GRM5: variants seen among roughly 807,000 people sequenced by gnomAD.
GRM5 encodes the protein glutamate metabotropic receptor 5.
In GRM5, 19 loss-of-function variants were observed where a neutral mutation model predicts 83.1. That is an observed-to-expected ratio of 0.23 (90% CI 0.16 to 0.34). The LOEUF is 0.34. GRM5 is among the 10% of genes least tolerant of loss of function. The pLI, the probability that GRM5 is intolerant of heterozygous loss-of-function variation, is 1.00. For synonymous variants in GRM5, 675 were observed against 633.6 expected, an observed-to-expected ratio of 1.07 and a Z score of -0.98; for missense variants, 1,160 against 1,588.3, an observed-to-expected ratio of 0.73 and a Z score of 4.58.
At chr11:88,908,743 C>T (rs778795773) in intron 2 of GRM5, among the ~76,000 whole-genome samples, 1 of 152,038 alleles carries the variant, frequency 6.6e-6, no homozygotes, top group African/African-American at 2.4e-5. Context: ...CCTCATTATT[C>T]GACTGTGAAA....
At chr11:88,845,427 T>TTTTTTTG (rs1944284406) in intron 3 of GRM5, among the ~76,000 whole-genome samples, 1 of 37,272 alleles carries the variant, frequency 2.7e-5, no homozygotes, top group Non-Finnish European at 5.3e-5. Context: ...ACATAACTTT[T>TTTTTTTG]TTTTTTTTTT....
chr11:88,634,165 A>T (rs1939055791), intron 4 of GRM5, among the ~76,000 whole-genome samples: 1 of 152,190 alleles, frequency 6.6e-6, no homozygotes, highest in Admixed American at 6.6e-5. Flanking sequence ...CAGGACTGGA[A>T]GTTGTTCTGG....
chr11:88,705,625 C>T (rs1297161596), intron 3 of GRM5, among the ~76,000 whole-genome samples: 1 of 150,984 alleles, frequency 6.6e-6, no homozygotes, highest in Non-Finnish European at 1.5e-5. Flanking sequence ...TTTTTTTCTC[C>T]TACCTTGCTG....
At chr11:88,530,682 A>G (rs899892199) in intron 8 of GRM5, among the ~76,000 whole-genome samples, 1 of 152,104 alleles carries the variant, frequency 6.6e-6, no homozygotes, top group Admixed American at 6.6e-5. Flanking sequence ...TGAAATTTCT[A>G]TATTGGCTAT....
chr11:88,604,961 G>A lies in GRM5; in HGVS notation c.1151C>T (p.Ser384Phe). 6.2e-7 allele frequency: 1 copy of A among 1,611,472 alleles called. No individual in the cohort carries two copies. The highest frequency in any genetic ancestry group is 8.5e-7 in the Non-Finnish European group (1 of 1,177,936). The stretch of plus-strand genomic sequence containing the variant: ...AACATGATGTGTTTTCAGAGTCAGA[G>A]AACCTGTTGGGAAACAAATTAAGCA... Reference protein sequence around the residue: ...NSKYNKTCNSSLTLKTHHVQD... With the variant: ...NSKYNKTCNSFLTLKTHHVQD... The change falls in exon 5 of 10, where the codon TCT (serine) becomes TTT (phenylalanine). Residue 384 changes from serine to phenylalanine, a missense_variant. This residue lies in a region of GRM5 where 132 missense variants were observed against 197.6 expected (regional missense o/e 0.67). Coordinates refer to ENST00000305447, the MANE Select transcript of GRM5 (RefSeq NM_001143831.3).
At chr11:88,698,009 A>T (rs1309748583) in intron 3 of GRM5, among the ~76,000 whole-genome samples, 6 of 152,210 alleles carry the variant, frequency 3.9e-5, no homozygotes, top group African/African-American at 1.4e-4. Flanking sequence ...CTCTGCTAGC[A>T]CAGTTAATCC....
intron 3 of GRM5, among the ~76,000 whole-genome samples, chr11:88,750,155 G>T (rs1049446929): frequency 6.6e-6 from 1 of 152,076 alleles, no homozygotes; most frequent in Admixed American, 6.6e-5. Context: ...GCTGGACGAA[G>T]AGCCAAGACC....
At chr11:88,787,432 G>A (rs1334434715) in intron 3 of GRM5, among the ~76,000 whole-genome samples, 1 of 152,130 alleles carries the variant, frequency 6.6e-6, no homozygotes, top group Non-Finnish European at 1.5e-5. Context: ...CAAGGTTGTA[G>A]GAGACATGAT....
intron 7 of GRM5, among the ~76,000 whole-genome samples, chr11:88,583,540 C>G (rs950101249): frequency 6.6e-6 from 1 of 152,200 alleles, no homozygotes; most frequent in Admixed American, 6.5e-5. Flanking sequence ...CACCTGGTTA[C>G]TTCTTGAAAG....
intron 2 of GRM5, among the ~76,000 whole-genome samples, chr11:89,015,985 G>C (rs927779231): frequency 1.2e-4 from 19 of 152,010 alleles, no homozygotes; most frequent in Admixed American, 1.1e-3. Flanking sequence ...GTGATCAAAT[G>C]TGGTTTTTAG....
chr11:88,673,179 A>C (rs113271397), intron 3 of GRM5, among the ~76,000 whole-genome samples: 5 of 152,068 alleles, frequency 3.3e-5, no homozygotes, highest in African/African-American at 1.2e-4. Flanking sequence ...ACTTATTAGG[A>C]GGCCATTTCC....
At chr11:88,915,465 A>G (rs1945573837) in intron 2 of GRM5, among the ~76,000 whole-genome samples, 1 of 152,114 alleles carries the variant, frequency 6.6e-6, no homozygotes, top group Non-Finnish European at 1.5e-5. Context: ...GAAGGGGATA[A>G]GTTCTTGCTC....
chr11:88,558,409 TC>T (rs1435986734), intron 8 of GRM5, among the ~76,000 whole-genome samples: 2 of 152,084 alleles, frequency 1.3e-5, no homozygotes, highest in Non-Finnish European at 2.9e-5. Flanking sequence ...ATTGTTATTA[TC>T]CAAAGTAAGC....
At chr11:88,612,371 T>C (rs1938346443) in intron 4 of GRM5, among the ~76,000 whole-genome samples, 1 of 150,952 alleles carries the variant, frequency 6.6e-6, no homozygotes, top group African/African-American at 2.4e-5. Context: ...CTATCATTGT[T>C]GGACATTTGG....
chr11:88,823,150 C>T (rs1277916285), intron 3 of GRM5, among the ~76,000 whole-genome samples: 1 of 151,348 alleles, frequency 6.6e-6, no homozygotes, highest in Non-Finnish European at 1.5e-5. Flanking sequence ...GATATTTCCT[C>T]GATTTGTTTC....
chr11:88,689,314 A>G (rs965969754), intron 3 of GRM5, among the ~76,000 whole-genome samples: 2 of 152,220 alleles, frequency 1.3e-5, no homozygotes, highest in African/African-American at 4.8e-5. Context: ...TCCAGACACT[A>G]TGATGGGTTT....
chr11:88,998,272 C>T (rs184880594), intron 2 of GRM5, among the ~76,000 whole-genome samples: 1 of 151,966 alleles, frequency 6.6e-6, no homozygotes. Context: ...TCCAGGGATG[C>T]GAGGTTGGAG....
intron 2 of GRM5, among the ~76,000 whole-genome samples, chr11:88,903,005 C>T (rs1945341188): frequency 7.7e-6 from 1 of 129,974 alleles, no homozygotes; most frequent in East Asian, 2.3e-4. Context: ...GAAAAGAAAG[C>T]AGAGTAAGAG....
At chr11:88,724,052 G>GAGAT (rs891885392) in intron 3 of GRM5, among the ~76,000 whole-genome samples, 4 of 152,180 alleles carry the variant, frequency 2.6e-5, no homozygotes, top group Admixed American at 1.3e-4. Context: ...ACTCTCTTAG[G>GAGAT]AGATAGTTCA....
Sources: allele counts gnomAD v4.1 joint callset (sites outside exome capture counted in the v4.1 genomes callset), GRCh38; gene constraint gnomAD v4.1.1; regional missense constraint gnomAD v4.1.1; transcripts MANE v1.5; gene names NCBI Gene and HGNC (gene_info 2026-07-23, HGNC 2026-07-21).